Variants in EXOC6 observed in about 807,000 individuals in gnomAD.
EXOC6 encodes exocyst complex component 6.
A neutral mutation model predicts 112.5 loss-of-function variants in EXOC6; 60 were observed. The observed-to-expected ratio is 0.53, with a 90% CI of 0.43 to 0.66. The LOEUF (loss-of-function observed/expected upper bound fraction) is 0.66, where lower values mean the gene tolerates loss of function less well. EXOC6 is among the 30% of genes least tolerant of loss of function. The probability of loss-of-function intolerance (pLI) is 0.00; values close to 1 mark genes in which losing one functional copy is unlikely to be tolerated. For synonymous variants in EXOC6, 295 were observed against 308.0 expected (o/e 0.96, Z 0.44); for missense variants, 855 against 957.1 (o/e 0.89, Z 1.41).
At chr10:92,883,728 A>C (rs1157599564) in intron 1 of EXOC6, among the ~76,000 whole-genome samples, 14 of 152,182 alleles carry the variant, frequency 9.2e-5, no homozygotes, top group Non-Finnish European at 4.4e-5. Context: ...TTATTGATAG[A>C]AATGCAAACT....
intron 17 of EXOC6, among the ~76,000 whole-genome samples, chr10:92,971,878 A>G (rs915826594): frequency 6.6e-6 from 1 of 151,900 alleles, no homozygotes. Flanking sequence ...TTTTTTGTTG[A>G]TAACTGTACA....
At chr10:92,955,206 G>T (rs1466889866) in intron 16 of EXOC6, among the ~76,000 whole-genome samples, 4 of 151,844 alleles carry the variant, frequency 2.6e-5, no homozygotes, top group African/African-American at 9.7e-5. Flanking sequence ...AGGGAAAAGG[G>T]TTCATATGGG....
intron 20 of EXOC6, among the ~76,000 whole-genome samples, chr10:93,039,740 T>G (rs1845675738): frequency 6.6e-6 from 1 of 152,216 alleles, no homozygotes; most frequent in Admixed American, 6.5e-5. Context: ...CCTGTTTCAT[T>G]CACTCCTTGT....
chr10:93,033,478 A>T (rs1051701847), intron 20 of EXOC6, among the ~76,000 whole-genome samples: 3 of 152,116 alleles, frequency 2.0e-5, no homozygotes, highest in Admixed American at 2.0e-4. Context: ...AGACAGAAAA[A>T]CTCAGGAATA....
intron 1 of EXOC6, among the ~76,000 whole-genome samples, chr10:92,842,663 A>G (rs1479174477): frequency 1.3e-5 from 2 of 151,602 alleles, no homozygotes; most frequent in African/African-American, 4.9e-5. Context: ...AAGAGTAGGG[A>G]GCAGGGACAA....
Position 93,036,431 on chromosome 10 carries a change from G to A in EXOC6, c.2170-20493G>A, listed in dbSNP as rs546329997. 8.5e-5 allele frequency among the ~76,000 whole-genome samples: 13 copies of A among 152,118 alleles called. 1 individual carries two copies. In the South Asian group the frequency reaches 2.7e-3, roughly 32 times the overall value. ...CATATGCTTTCATATTGGTAAATAT[G>A]GATGTTTCATTCTTTTTAATTTCTT... On this transcript the variant is annotated intron_variant, in intron 20 of 21. Coordinates refer to ENST00000260762, the MANE Select transcript of EXOC6 (RefSeq NM_019053.6).
chr10:92,993,984 TTTGA>T (rs1843372994), intron 18 of EXOC6, among the ~76,000 whole-genome samples: 1 of 152,216 alleles, frequency 6.6e-6, no homozygotes, highest in Admixed American at 6.5e-5. Flanking sequence ...TCATGCTGTC[TTTGA>T]TTGGCACAGC....
intron 12 of EXOC6, among the ~76,000 whole-genome samples, chr10:92,937,338 A>T (rs916505125): frequency 2.0e-5 from 3 of 152,220 alleles, no homozygotes; most frequent in Non-Finnish European, 4.4e-5. Context: ...CCCAAAAAGA[A>T]GATGATTATG....
intron 19 of EXOC6, among the ~76,000 whole-genome samples, chr10:93,006,469 A>G (rs1242495386): frequency 1.3e-5 from 2 of 152,150 alleles, no homozygotes; most frequent in Non-Finnish European, 2.9e-5. Flanking sequence ...AATGGAGAAA[A>G]CTAGATACTA....
chr10:93,034,878 T>G (rs529210153), intron 20 of EXOC6, among the ~76,000 whole-genome samples: 1 of 152,368 alleles, frequency 6.6e-6, no homozygotes, highest in Admixed American at 6.5e-5. Flanking sequence ...TTTAGAAGTT[T>G]TAAAGTCGTT....
upstream of EXOC6, among the ~76,000 whole-genome samples, chr10:92,847,709 C>A (rs1847105164): frequency 6.6e-6 from 1 of 152,194 alleles, no homozygotes; most frequent in Non-Finnish European, 1.5e-5. Context: ...GCCTCCCTGC[C>A]TCTCTCTCCC....
Position 92,864,211 on chromosome 10 carries a change from C to G in EXOC6, c.101+15577C>G, listed in dbSNP as rs571369200. Reference sequence around the variant, plus strand: ...ACACAGAAGGTAAAGAGTAACCTTTCGTATTGTAGGCAGAGGCATTAACAA... The same window carrying G: ...ACACAGAAGGTAAAGAGTAACCTTTGGTATTGTAGGCAGAGGCATTAACAA... On this transcript the variant is annotated intron_variant, in intron 1 of 21. Transcript: ENST00000260762. Among the ~76,000 whole-genome samples, 21 of 152,224 alleles carry G rather than the reference C, an allele frequency of 1.4e-4. No individual in the cohort carries two copies. In the South Asian group the frequency reaches 4.1e-3, roughly 30 times the overall value.
chr10:92,966,757 A>G (rs1842084425), intron 17 of EXOC6, among the ~76,000 whole-genome samples: 1 of 148,324 alleles, frequency 6.7e-6, no homozygotes, highest in Non-Finnish European at 1.5e-5. Flanking sequence ...ATACGTGTGC[A>G]TGTGTCTTTA....
intron 9 of EXOC6, among the ~76,000 whole-genome samples, chr10:92,930,189 A>G (rs1259003684): frequency 6.6e-6 from 1 of 152,142 alleles, no homozygotes; most frequent in Non-Finnish European, 1.5e-5. Context: ...ATTCTGGGCC[A>G]TGAAACAAAC....
At chr10:92,931,608 G>T (rs959688285) in intron 9 of EXOC6, among the ~76,000 whole-genome samples, 1 of 150,964 alleles carries the variant, frequency 6.6e-6, no homozygotes, top group African/African-American at 2.4e-5. Flanking sequence ...TAGGAACAAA[G>T]CTGGATGGAG....
chr10:92,832,914 C>T (rs116197308), upstream of EXOC6, among the ~76,000 whole-genome samples: 2,639 of 152,276 alleles, frequency 0.017, 72 homozygotes, highest in African/African-American at 0.06. Flanking sequence ...CCACCCGCCT[C>T]GGATTCCCAA....
intron 1 of EXOC6, among the ~76,000 whole-genome samples, chr10:92,842,324 A>C (rs1846884163): frequency 6.9e-6 from 1 of 145,860 alleles, no homozygotes; most frequent in African/African-American, 2.6e-5. Flanking sequence ...ACACCATTGC[A>C]CTCCAGCCTG....
At chr10:92,896,147 G>GTGTGTGTGTGTATATATA (rs1432410468) in intron 4 of EXOC6, among the ~76,000 whole-genome samples, 1 of 24,486 alleles carries the variant, frequency 4.1e-5, no homozygotes, top group African/African-American at 2.3e-4. Context: ...GTATGTATGT[G>GTGTGTGTGTGTATATATA]TATATATATA....
intron 20 of EXOC6, among the ~76,000 whole-genome samples, chr10:93,038,578 C>T (rs1845627042): frequency 6.6e-6 from 1 of 152,172 alleles, no homozygotes; most frequent in Non-Finnish European, 1.5e-5. Context: ...CGTATATATA[C>T]ATGACAGAGT....
Sources: gnomAD v4.1 joint callset for allele counts (sites outside exome capture counted in the v4.1 genomes callset) on GRCh38, gnomAD v4.1.1 for gene constraint, MANE v1.5 for transcripts, NCBI Gene and HGNC (gene_info 2026-07-23, HGNC 2026-07-21) for gene names.